The following LOXL2 variants were observed in gnomAD, a reference collection of about 807,000 sequenced individuals.
The protein encoded by LOXL2 is lysyl oxidase like 2.
LOXL2 carries 70 observed loss-of-function variants against 93.0 expected under a neutral mutation model. That is an observed-to-expected ratio of 0.75 (90% confidence interval 0.62 to 0.92). The LOEUF (loss-of-function observed/expected upper bound fraction) is 0.92. LOXL2 is among the 40% of genes least tolerant of loss of function. The probability of loss-of-function intolerance (pLI) is 0.00; values close to 1 mark genes in which losing one functional copy is unlikely to be tolerated. For synonymous variants in LOXL2, 438 were observed against 413.2 expected (o/e 1.06, Z -0.73); for missense variants, 973 against 1,054.9 (o/e 0.92, Z 1.08).
chr8:23,300,754 C>T (rs1803116223), intron 12 of LOXL2, among the ~76,000 whole-genome samples: 1 of 152,166 alleles, frequency 6.6e-6, no homozygotes, highest in Non-Finnish European at 1.5e-5. Flanking sequence ...TTAAATCAAA[C>T]AATGCATTCC....
At chr8:23,358,750 T>C (rs1804238917) in intron 3 of LOXL2, among the ~76,000 whole-genome samples, 1 of 152,130 alleles carries the variant, frequency 6.6e-6, no homozygotes, top group Non-Finnish European at 1.5e-5. Flanking sequence ...TCTGGCAACA[T>C]CAGAATCAAT....
In LOXL2 at chr8:23,315,024, G is replaced by A. The variant is rs150609077; in HGVS notation, c.1636+1925C>T. 4.9e-3 allele frequency among the ~76,000 whole-genome samples: 751 copies of A among 152,192 alleles called. 17 individuals carry two copies. The highest frequency in any genetic ancestry group is 0.035 in the Admixed American group (532 of 15,284). ...GCCCCTGGTCACGGAAGTGCAGTGG[G>A]ACCCTTGGGTGGGATTTAAGTGGGA... On this transcript the variant is annotated intron_variant, in intron 9 of 13. Coordinates refer to ENST00000389131, the MANE Select transcript of LOXL2 (RefSeq NM_002318.3).
At chr8:23,355,605 T>G (rs1286240415) in intron 3 of LOXL2, among the ~76,000 whole-genome samples, 4 of 148,392 alleles carry the variant, frequency 2.7e-5, no homozygotes, top group African/African-American at 1.0e-4. Context: ...TTCAAAGATT[T>G]GTTCTTTTTT....
chr8:23,369,077 G>A (rs545053473), intron 1 of LOXL2, among the ~76,000 whole-genome samples: 123 of 152,282 alleles, frequency 8.1e-4, no homozygotes, highest in Non-Finnish European at 1.6e-3. Flanking sequence ...CATGGGGGCC[G>A]GTGGAGAAGG....
At position 23,320,010 on chromosome 8, in the gene LOXL2, C is replaced by A. The variant is rs2117157879; in HGVS notation, c.1345G>T (p.Glu449Ter). 1 of 1,614,134 alleles carries A rather than the reference C, an allele frequency of 6.2e-7. No individual in the cohort carries two copies. Among genetic ancestry groups the A allele is most frequent in the East Asian group, 2.2e-5 (1 of 44,884 alleles). The change falls in exon 8 of 14, where the codon GAG becomes TAG. Residue 449 changes from glutamate (E) to a stop codon, truncating the protein, a stop_gained. Transcript: ENST00000389131. LOFTEE classifies it high-confidence loss of function. ...GACCCGTTTCTCTCCACCAGCACCT[C>A]CACTCGGCCCTCGTAGGGATTGCGG... is the stretch of plus-strand genomic sequence containing the variant. ...GGRNPYEGRV[E>*]VLVERNGSLV... is the part of the protein sequence containing the mutation.
In LOXL2 at chr8:23,328,491, C is replaced by A. The variant is rs1254382658; in HGVS notation, c.1041G>T (p.Trp347Cys). The A allele has an allele frequency of 1.9e-6, 3 of 1,614,142 alleles. No homozygotes were observed. The Admixed American group carries it at 5.0e-5, about 27-fold the overall frequency. ...CCCACTTGTCGTCGCAGACGGTCCCCCATTCTCCATTTTTGAGCACCTCCA... is the reference window on the plus strand; with the variant it reads ...CCCACTTGTCGTCGCAGACGGTCCCACATTCTCCATTTTTGAGCACCTCCA... ...GRVEVLKNGE[W>C]GTVCDDKWDL... Residue 347 changes from tryptophan to cysteine, a missense_variant, in exon 6 of 14, where the codon TGG becomes TGT. Trp to Cys is a radical substitution (Grantham distance 215). Transcript: ENST00000389131.
intron 3 of LOXL2, among the ~76,000 whole-genome samples, chr8:23,346,140 A>T (rs368076976): frequency 4.2e-4 from 36 of 86,070 alleles, no homozygotes; most frequent in East Asian, 5.3e-4. Flanking sequence ...AATAAAATAA[A>T]ATAAATAAAA....
At chr8:23,331,579 C>T (rs1487502430) in intron 5 of LOXL2, 1 of 152,208 alleles carries the variant, frequency 6.6e-6, no homozygotes, top group Non-Finnish European at 1.5e-5. Context: ...CCCACCCACT[C>T]ACAAGATATT....
intron 5 of LOXL2, among the ~76,000 whole-genome samples, chr8:23,332,850 A>ATACCCACACACTCACCCCCGCACACG (rs1803724666): frequency 8.8e-6 from 1 of 114,036 alleles, no homozygotes; most frequent in Non-Finnish European, 1.7e-5. Context: ...CCCCGCACAC[A>ATACCCACACACTCACCCCCGCACACG]TACACACACA....
intron 3 of LOXL2, among the ~76,000 whole-genome samples, chr8:23,350,977 AC>A (rs1804083086): frequency 6.6e-6 from 1 of 151,996 alleles, no homozygotes; most frequent in South Asian, 2.1e-4. Context: ...CACCCACCAC[AC>A]AACCTCATGG....
Position 23,404,111 on chromosome 8 carries a change from C to A in LOXL2, c.-241G>T. 1 of 196,062 alleles carries A rather than the reference C, an allele frequency of 5.1e-6. No individual in the cohort carries two copies. The highest frequency in any genetic ancestry group is 1.1e-5 in the Non-Finnish European group (1 of 90,418). The allele number at this position is 196,062 out of a possible 1,614,324, so 12.1% of individuals were successfully genotyped here. A position where few individuals can be genotyped will look rare whatever the true frequency, so the allele number is the denominator to read the frequency against. On this transcript the variant is annotated 5_prime_UTR_variant, in exon 1 of 14. Coordinates refer to ENST00000389131, the MANE Select transcript of LOXL2 (RefSeq NM_002318.3). ...AGCACCAAGCGTAGGTAGCCGCGCGCTGGAGTCGCGCGTTTACTCTTTTCC... is the reference window on the plus strand; with the variant it reads ...AGCACCAAGCGTAGGTAGCCGCGCGATGGAGTCGCGCGTTTACTCTTTTCC...
chr8:23,390,323 C>T (rs1036097433), intron 1 of LOXL2, among the ~76,000 whole-genome samples: 1 of 152,134 alleles, frequency 6.6e-6, no homozygotes, highest in Admixed American at 6.5e-5. Context: ...GCCATGGGAC[C>T]CTTTAGAACC....
Position 23,346,116 on chromosome 8 carries a change from T to A in LOXL2, c.532-4913A>T, listed in dbSNP as rs370995192. Among the ~76,000 whole-genome samples the A allele has an allele frequency of 9.1e-3, 217 of 23,766 alleles. 3 individuals are homozygous for A. The highest frequency in any genetic ancestry group is 0.038 in the African/African-American group (152 of 3,980). The allele number at this position is 23,766 out of a possible 152,430, so 15.6% of individuals were successfully genotyped here. The stretch of plus-strand genomic sequence containing the variant: ...TAAAATAAAATAAAATAAAATAAAA[T>A]TAAAATAAAATAAAATAAAATAAAA... On this transcript the variant is annotated intron_variant, in intron 3 of 13. Coordinates refer to ENST00000389131, the MANE Select transcript of LOXL2 (RefSeq NM_002318.3).
At chr8:23,388,535 G>A (rs1262611867) in intron 1 of LOXL2, among the ~76,000 whole-genome samples, 1 of 151,992 alleles carries the variant, frequency 6.6e-6, no homozygotes, top group Non-Finnish European at 1.5e-5. Context: ...AGTGAGCAGT[G>A]ACTGTGCCAC....
In LOXL2 at chr8:23,333,388, G is replaced by A. The variant is rs573152747; in HGVS notation, c.966+13C>T. On this transcript the variant is annotated intron_variant, in intron 5 of 13. Transcript: ENST00000389131. ...CAGGTGCCAAGTGGCCACACCTCGTGCCCCGTCCTCACCTCTGGCTTGTAC... is the reference window on the plus strand; with the variant it reads ...CAGGTGCCAAGTGGCCACACCTCGTACCCCGTCCTCACCTCTGGCTTGTAC... 2.5e-6 allele frequency: 4 copies of A among 1,612,602 alleles called. No homozygotes were observed. The South Asian group carries it at 3.3e-5, about 13-fold the overall frequency.
At chr8:23,328,357 C>T (rs1465076471) in intron 6 of LOXL2, 25 bp downstream of exon 6, 15 of 1,609,504 alleles carry the variant, frequency 9.3e-6, no homozygotes, top group Non-Finnish European at 1.2e-5. Context: ...GAAGAGAGGC[C>T]CCCTCTAGCC....
At chr8:23,396,359 C>A (rs979186536) in intron 1 of LOXL2, among the ~76,000 whole-genome samples, 4 of 150,876 alleles carry the variant, frequency 2.7e-5, no homozygotes, top group African/African-American at 4.9e-5. Context: ...AACAAAAAAA[C>A]GAGAGAGAGA....
At chr8:23,328,608 C>T (rs936459242) in intron 5 of LOXL2, 43 bp from the exon 6 acceptor site, 52 of 1,578,686 alleles carry the variant, frequency 3.3e-5, no homozygotes, top group Non-Finnish European at 4.3e-5. Flanking sequence ...CGCTGATGCA[C>T]GTTCAGCGGG....
chr8:23,333,504 T>C lies in LOXL2; in HGVS notation c.863A>G (p.Asn288Ser), dbSNP rs747808882. The stretch of plus-strand genomic sequence containing the variant: ...CGGTAGCCCATTCTCGCAGGTGACA[T>C]TCTTCATGGGGTCCAGTGACACCTG... Reference protein sequence around the residue: ...GPQVSLDPMKNVTCENGLPAV... With the variant: ...GPQVSLDPMKSVTCENGLPAV... Residue 288 changes from asparagine to serine, a missense_variant, in exon 5 of 14, where the codon AAT becomes AGT. Asn to Ser is a conservative substitution (Grantham distance 46). Transcript: ENST00000389131. The C allele has an allele frequency of 9.3e-6, 15 of 1,613,986 alleles. No individual in the cohort carries two copies. Among genetic ancestry groups the C allele is most frequent in the Non-Finnish European group, 1.3e-5 (15 of 1,180,034 alleles).
Sources: allele counts gnomAD v4.1 joint callset (sites outside exome capture counted in the v4.1 genomes callset), GRCh38; gene constraint gnomAD v4.1.1; transcripts MANE v1.5; gene names NCBI Gene and HGNC (gene_info 2026-07-23, HGNC 2026-07-21).